RAB11FIP4: variants seen among roughly 807,000 people sequenced by gnomAD.
RAB11FIP4 encodes RAB11 family interacting protein 4.
A neutral mutation model predicts 74.3 loss-of-function variants in RAB11FIP4; 23 were observed. The ratio of observed to expected loss-of-function variants is 0.31; its 90% CI spans 0.22 to 0.44. RAB11FIP4 has a LOEUF of 0.44. RAB11FIP4 is among the 20% of genes least tolerant of loss of function. The pLI, the probability that RAB11FIP4 is intolerant of heterozygous loss-of-function variation, is 1.00. For missense variants in RAB11FIP4, 630 were observed against 863.9 expected, an observed-to-expected ratio of 0.73 and a Z score of 3.39; for synonymous variants, 360 against 359.9, an observed-to-expected ratio of 1.00 and a Z score of 0.00.
intron 1 of RAB11FIP4, among the ~76,000 whole-genome samples, chr17:31,401,229 G>GC (rs1490230093): frequency 1.3e-5 from 2 of 151,474 alleles, no homozygotes; most frequent in Non-Finnish European, 2.9e-5. Context: ...CCAAGATCAC[G>GC]CCACTGCACT....
chr17:31,423,066 T>C (rs2151624452), intron 1 of RAB11FIP4, among the ~76,000 whole-genome samples: 1 of 152,228 alleles, frequency 6.6e-6, no homozygotes, highest in South Asian at 2.1e-4. Context: ...ACTACAGGTG[T>C]CTGCCACCAC....
chr17:31,422,015 C>G (rs1351269680), intron 1 of RAB11FIP4, among the ~76,000 whole-genome samples: 2 of 151,988 alleles, frequency 1.3e-5, no homozygotes, highest in Admixed American at 6.6e-5. Flanking sequence ...CCCCCCGTCT[C>G]TACAAGAAAA....
At chr17:31,400,695 A>G (rs2070976776) in intron 1 of RAB11FIP4, among the ~76,000 whole-genome samples, 1 of 152,192 alleles carries the variant, frequency 6.6e-6, no homozygotes, top group Non-Finnish European at 1.5e-5. Context: ...GGAGTGAGCA[A>G]GAGGAGACTT....
intron 3 of RAB11FIP4, among the ~76,000 whole-genome samples, chr17:31,495,571 A>G (rs2072100953): frequency 6.6e-6 from 1 of 151,984 alleles, no homozygotes; most frequent in Non-Finnish European, 1.5e-5. Context: ...TATGTCACCC[A>G]TGCTGGTCTC....
At chr17:31,489,423 TC>T (rs923574879) in intron 3 of RAB11FIP4, among the ~76,000 whole-genome samples, 4 of 151,554 alleles carry the variant, frequency 2.6e-5, no homozygotes, top group South Asian at 2.1e-4. Context: ...GCGCTCTCAC[TC>T]CCCCCCATAT....
intron 1 of RAB11FIP4, among the ~76,000 whole-genome samples, chr17:31,408,289 G>A (rs1288802126): frequency 6.6e-6 from 1 of 152,160 alleles, no homozygotes; most frequent in Admixed American, 6.5e-5. Context: ...TTCAGGGTCT[G>A]TAACGGGTAT....
rs1491487103 is a variant in RAB11FIP4, at chr17:31,505,504, TTA to T, written c.337-12140_337-12139del. 4.3e-4 allele frequency among the ~76,000 whole-genome samples: 28 copies of T among 64,824 alleles called. 2 individuals carry two copies. The highest frequency in any genetic ancestry group is 6.1e-5 in the Non-Finnish European group (2 of 32,640). 42.5% of individuals were successfully genotyped at this position (64,824 alleles called of 152,430 possible). On this transcript the variant is annotated intron_variant, in intron 3 of 14. Coordinates refer to ENST00000621161, the MANE Select transcript of RAB11FIP4 (RefSeq NM_032932.6). Reference sequence around the variant, plus strand: ...TAATATATAATATATAATTATTATATTATATATAATAATTATATATTATATAT... The same window carrying T: ...TAATATATAATATATAATTATTATATTATATAATAATTATATATTATATAT...
intron 1 of RAB11FIP4, among the ~76,000 whole-genome samples, chr17:31,410,443 G>A (rs570223772): frequency 6.6e-6 from 1 of 152,310 alleles, no homozygotes; most frequent in South Asian, 2.1e-4. Context: ...GCTGGGTGTG[G>A]TGGCTCACGT....
intron 3 of RAB11FIP4, among the ~76,000 whole-genome samples, chr17:31,441,906 A>G (rs571810065): frequency 1.6e-4 from 24 of 152,186 alleles, no homozygotes; most frequent in Non-Finnish European, 3.2e-4. Context: ...CAAGGTAGCC[A>G]TGCTGCCATT....
chr17:31,466,138 G>A (rs1220643799), intron 3 of RAB11FIP4, among the ~76,000 whole-genome samples: 2 of 151,826 alleles, frequency 1.3e-5, no homozygotes, highest in Admixed American at 6.6e-5. Flanking sequence ...AGTGAGACTC[G>A]GTCTCAGAAA....
intron 3 of RAB11FIP4, among the ~76,000 whole-genome samples, chr17:31,458,635 T>C (rs1454123206): frequency 6.6e-6 from 1 of 152,164 alleles, no homozygotes; most frequent in African/African-American, 2.4e-5. Flanking sequence ...TTCCTGGCTG[T>C]GGGGCTTCTG....
At chr17:31,458,789 C>T (rs1567662982) in intron 3 of RAB11FIP4, among the ~76,000 whole-genome samples, 1 of 152,222 alleles carries the variant, frequency 6.6e-6, no homozygotes, top group Non-Finnish European at 1.5e-5. Flanking sequence ...TTGTGGGTCA[C>T]CCAGGGTGTG....
At chr17:31,397,309 AGGAGGCCTCCTCG>A (rs1415625057) in intron 1 of RAB11FIP4, among the ~76,000 whole-genome samples, 3 of 152,180 alleles carry the variant, frequency 2.0e-5, no homozygotes, top group Admixed American at 1.3e-4. Flanking sequence ...GATTGGAGGC[AGGAGGCCTCCTCG>A]GGACTGTGGC....
At chr17:31,410,445 G>A (rs1361816024) in intron 1 of RAB11FIP4, among the ~76,000 whole-genome samples, 1 of 152,192 alleles carries the variant, frequency 6.6e-6, no homozygotes, top group Non-Finnish European at 1.5e-5. Flanking sequence ...TGGGTGTGGT[G>A]GCTCACGTCT....
At chr17:31,470,870 T>C (rs536849797) in intron 3 of RAB11FIP4, among the ~76,000 whole-genome samples, 1 of 152,306 alleles carries the variant, frequency 6.6e-6, no homozygotes, top group East Asian at 1.9e-4. Context: ...TCATAAAGGC[T>C]TCAAGGAGGA....
chr17:31,497,998 G>A (rs144721836), intron 3 of RAB11FIP4, among the ~76,000 whole-genome samples: 153 of 152,288 alleles, frequency 1.0e-3, no homozygotes, highest in African/African-American at 3.6e-3. Context: ...AGGCATTGGG[G>A]TGGGTAAAGG....
chr17:31,455,230 C>A (rs192717500), intron 3 of RAB11FIP4, among the ~76,000 whole-genome samples: 43 of 152,188 alleles, frequency 2.8e-4, no homozygotes, highest in African/African-American at 1.0e-3. Context: ...AGTAACTAAA[C>A]AAGGAAGAGG....
At chr17:31,399,126 C>T (rs2070960271) in intron 1 of RAB11FIP4, among the ~76,000 whole-genome samples, 1 of 151,984 alleles carries the variant, frequency 6.6e-6, no homozygotes. Flanking sequence ...GTTGCAGCAC[C>T]CCTTTGGCCC....
chr17:31,439,473 C>T (rs935338986), intron 3 of RAB11FIP4, among the ~76,000 whole-genome samples: 6 of 152,178 alleles, frequency 3.9e-5, no homozygotes, highest in African/African-American at 1.2e-4. Context: ...CCTAGGGAGG[C>T]GGACCATCTT....
Sources: allele counts gnomAD v4.1 joint callset (sites outside exome capture counted in the v4.1 genomes callset), GRCh38; gene constraint gnomAD v4.1.1; transcripts MANE v1.5; gene names NCBI Gene and HGNC (gene_info 2026-07-23, HGNC 2026-07-21).